The following CLDN10 variants were observed in gnomAD, a reference collection of about 807,000 sequenced individuals.
The protein encoded by CLDN10 is claudin-10.
CLDN10 carries 15 observed loss-of-function variants against 22.9 expected under a neutral mutation model. The ratio of observed to expected loss-of-function variants is 0.65; its 90% CI spans 0.44 to 1.01. The LOEUF is 1.01. CLDN10 is among the 50% of genes least tolerant of loss of function. The pLI is 0.00. For synonymous variants in CLDN10, 114 were observed against 111.4 expected (o/e 1.02, Z -0.15); for missense variants, 247 against 287.8 (o/e 0.86, Z 1.03).
chr13:95,517,739 C>T (rs1352943175), intron 1 of CLDN10, among the ~76,000 whole-genome samples: 1 of 151,890 alleles, frequency 6.6e-6, no homozygotes, highest in African/African-American at 2.4e-5. Flanking sequence ...AGTTTGAGAC[C>T]AGCCTGGTCA....
chr13:95,519,675 T>A (rs2043205332), intron 1 of CLDN10, among the ~76,000 whole-genome samples: 1 of 151,982 alleles, frequency 6.6e-6, no homozygotes, highest in Non-Finnish European at 1.5e-5. Flanking sequence ...AGTTCCTAAC[T>A]CTTAACAGTG....
At chr13:95,520,607 C>T (rs1426830843) in intron 1 of CLDN10, among the ~76,000 whole-genome samples, 7 of 152,034 alleles carry the variant, frequency 4.6e-5, no homozygotes, top group Non-Finnish European at 7.4e-5. Context: ...TCCTGACCTC[C>T]GGTGATCCAC....
chr13:95,530,959 C>G (rs1160625408), intron 1 of CLDN10, among the ~76,000 whole-genome samples: 1 of 150,276 alleles, frequency 6.7e-6, no homozygotes, highest in East Asian at 2.0e-4. Flanking sequence ...TGGAGTCTCA[C>G]TCTGTCACCC....
At chr13:95,547,035 C>T (rs1014336061) in intron 1 of CLDN10, among the ~76,000 whole-genome samples, 19 of 147,300 alleles carry the variant, frequency 1.3e-4, no homozygotes, top group Admixed American at 4.9e-4. Context: ...GGACTACAGG[C>T]GGCTGGCTAA....
chr13:95,563,011 C>T (rs998232176), intron 3 of CLDN10, among the ~76,000 whole-genome samples: 1 of 151,622 alleles, frequency 6.6e-6, no homozygotes, highest in Non-Finnish European at 1.5e-5. Flanking sequence ...GAGAGGCTTT[C>T]CTCTTTTTCA....
chr13:95,566,831 T>TC (rs1213532281), intron 3 of CLDN10, among the ~76,000 whole-genome samples: 4 of 152,136 alleles, frequency 2.6e-5, no homozygotes, highest in Admixed American at 2.0e-4. Context: ...GTTTCAGCTT[T>TC]TACATATGGC....
intron 1 of CLDN10, among the ~76,000 whole-genome samples, chr13:95,508,701 A>G (rs753601045): frequency 9.9e-5 from 15 of 152,250 alleles, no homozygotes; most frequent in Admixed American, 6.5e-5. Context: ...CATTCTGGAC[A>G]TCATGGGAGA....
intron 1 of CLDN10, among the ~76,000 whole-genome samples, chr13:95,448,681 C>T (rs942033684): frequency 3.3e-5 from 5 of 151,112 alleles, no homozygotes; most frequent in African/African-American, 1.2e-4. Flanking sequence ...CTAGAAGTGA[C>T]GTTCCATCAC....
At chr13:95,464,041 T>G (rs2042561539) in intron 1 of CLDN10, among the ~76,000 whole-genome samples, 1 of 151,836 alleles carries the variant, frequency 6.6e-6, no homozygotes, top group Admixed American at 6.6e-5. Flanking sequence ...AATCTAACAT[T>G]TATGTATACA....
chr13:95,497,158 T>C (rs1489911098), intron 1 of CLDN10: 4 of 152,042 alleles, frequency 2.6e-5, no homozygotes, highest in African/African-American at 7.3e-5. Context: ...AATCATGAAA[T>C]GTCAGTATCA....
chr13:95,442,592 G>T (rs2042334766), intron 1 of CLDN10, among the ~76,000 whole-genome samples: 1 of 152,186 alleles, frequency 6.6e-6, no homozygotes, highest in African/African-American at 2.4e-5. Context: ...GGGAGAAAAG[G>T]CCCCCTTTGG....
chr13:95,434,352 G>A (rs963985227), intron 1 of CLDN10, among the ~76,000 whole-genome samples: 3 of 151,922 alleles, frequency 2.0e-5, no homozygotes, highest in Non-Finnish European at 2.9e-5. Context: ...CTTGAGTCAT[G>A]GAGGAATCTT....
intron 1 of CLDN10, among the ~76,000 whole-genome samples, chr13:95,504,189 A>G (rs2043014149): frequency 6.6e-6 from 1 of 152,214 alleles, no homozygotes; most frequent in Non-Finnish European, 1.5e-5. Flanking sequence ...AAAGAGGACT[A>G]CAGTGAGGTG....
At chr13:95,443,187 T>C (rs2042340974) in intron 1 of CLDN10, among the ~76,000 whole-genome samples, 1 of 152,212 alleles carries the variant, frequency 6.6e-6, no homozygotes. Context: ...CTCCCAAATT[T>C]GTGTTTAAGT....
chr13:95,524,679 T>C (rs568533092), intron 1 of CLDN10, among the ~76,000 whole-genome samples: 1 of 151,296 alleles, frequency 6.6e-6, no homozygotes, highest in African/African-American at 2.5e-5. Context: ...ACCAAGAAGA[T>C]AATAATTGCT....
intron 1 of CLDN10, among the ~76,000 whole-genome samples, chr13:95,488,976 G>A (rs2042838553): frequency 2.8e-5 from 3 of 108,592 alleles, no homozygotes; most frequent in Non-Finnish European, 5.7e-5. Flanking sequence ...TTTTTGAAAC[G>A]GAGTTTCTCT....
At chr13:95,498,106 A>T (rs1407732452) in intron 1 of CLDN10, among the ~76,000 whole-genome samples, 2 of 152,240 alleles carry the variant, frequency 1.3e-5, no homozygotes, top group African/African-American at 4.8e-5. Flanking sequence ...AGAGTTATGG[A>T]TCAGGTTCTT....
At chr13:95,489,488 C>T (rs1372261217) in intron 1 of CLDN10, among the ~76,000 whole-genome samples, 1 of 151,086 alleles carries the variant, frequency 6.6e-6, no homozygotes, top group Non-Finnish European at 1.5e-5. Flanking sequence ...TGATGTTGAG[C>T]ATTCTTTCAT....
At chr13:95,564,637 G>A (rs77904087) in intron 3 of CLDN10, among the ~76,000 whole-genome samples, 303 of 152,282 alleles carry the variant, frequency 2.0e-3, no homozygotes, top group Non-Finnish European at 3.8e-3. Context: ...TAGATTTCCA[G>A]GACAACTCTA....
Sources: gnomAD v4.1 joint callset for allele counts (sites outside exome capture counted in the v4.1 genomes callset) on GRCh38, gnomAD v4.1.1 for gene constraint, MANE v1.5 for transcripts, NCBI Gene and HGNC (gene_info 2026-07-23, HGNC 2026-07-21) for gene names.